Variants in EPHB1 observed in about 807,000 individuals in gnomAD.
EPHB1 encodes ephrin type-B receptor 1.
A neutral mutation model predicts 94.4 loss-of-function variants in EPHB1; 30 were observed. The observed-to-expected ratio is 0.32, with a 90% confidence interval of 0.24 to 0.43. EPHB1 has a LOEUF of 0.43. Ranked by LOEUF, EPHB1 falls within the 20% of genes least tolerant of loss-of-function variation. The probability of loss-of-function intolerance (pLI) is 1.00; values close to 1 mark genes in which losing one functional copy is unlikely to be tolerated. For missense variants in EPHB1, 1,055 were observed against 1,308.3 expected, an observed-to-expected ratio of 0.81 and a Z score of 2.99; for synonymous variants, 522 against 489.1, an observed-to-expected ratio of 1.07 and a Z score of -0.89.
intron 3 of EPHB1, among the ~76,000 whole-genome samples, chr3:135,103,190 G>A (rs1939094922): frequency 1.3e-5 from 2 of 152,162 alleles, no homozygotes; most frequent in South Asian, 2.1e-4. Context: ...TAGGAATGCT[G>A]CTTCTTATAT....
At chr3:135,211,011 C>T (rs1233733753) in intron 12 of EPHB1, among the ~76,000 whole-genome samples, 1 of 152,212 alleles carries the variant, frequency 6.6e-6, no homozygotes, top group Non-Finnish European at 1.5e-5. Context: ...TGGGCAGACA[C>T]TTAACTTTTA....
chr3:135,095,298 A>G (rs1411170323), intron 3 of EPHB1, among the ~76,000 whole-genome samples: 2 of 151,894 alleles, frequency 1.3e-5, no homozygotes, highest in Non-Finnish European at 1.5e-5. Context: ...CCTTGCACCC[A>G]ACCCCGTGCC....
chr3:135,128,495 C>T (rs972317795), intron 4 of EPHB1, among the ~76,000 whole-genome samples: 3 of 152,228 alleles, frequency 2.0e-5, no homozygotes, highest in Non-Finnish European at 1.5e-5. Flanking sequence ...GGCACAGACA[C>T]CTGGGGCCAT....
intron 1 of EPHB1, among the ~76,000 whole-genome samples, chr3:134,809,369 GA>G (rs1330108437): frequency 2.7e-5 from 1 of 37,644 alleles, no homozygotes; most frequent in Non-Finnish European, 5.7e-5. Context: ...AAAAAGAACA[GA>G]TTTTTTTTTT....
chr3:135,123,105 C>T (rs1368895293), intron 4 of EPHB1, among the ~76,000 whole-genome samples: 1 of 152,180 alleles, frequency 6.6e-6, no homozygotes, highest in African/African-American at 2.4e-5. Flanking sequence ...CATTAGGTGC[C>T]TCTACCCCAG....
At chr3:135,110,681 C>A (rs115617711) in intron 4 of EPHB1, among the ~76,000 whole-genome samples, 1 of 152,312 alleles carries the variant, frequency 6.6e-6, no homozygotes, top group Admixed American at 6.5e-5. Flanking sequence ...TGCAAACCAT[C>A]GTGGCGATGA....
intron 1 of EPHB1, among the ~76,000 whole-genome samples, chr3:134,889,275 A>G (rs1417918770): frequency 6.6e-6 from 1 of 152,110 alleles, no homozygotes; most frequent in Non-Finnish European, 1.5e-5. Context: ...ACAAACCAAG[A>G]AAGTATCTCT....
chr3:135,085,377 T>C (rs954262065), intron 3 of EPHB1, among the ~76,000 whole-genome samples: 3 of 151,930 alleles, frequency 2.0e-5, no homozygotes, highest in East Asian at 3.9e-4. Context: ...ACATCAAGAG[T>C]CATTTAGAAC....
intron 1 of EPHB1, chr3:134,823,950 A>G (rs2036427619): frequency 6.6e-6 from 1 of 152,222 alleles, no homozygotes; most frequent in African/African-American, 2.4e-5. Flanking sequence ...AAGGCCTTCC[A>G]TCAGCCCTCC....
chr3:134,928,584 G>A (rs2038842109), intron 2 of EPHB1, among the ~76,000 whole-genome samples: 1 of 152,160 alleles, frequency 6.6e-6, no homozygotes, highest in Admixed American at 6.5e-5. Context: ...AGTATGCTTG[G>A]GTGGGAAGAG....
intron 4 of EPHB1, among the ~76,000 whole-genome samples, chr3:135,124,340 C>A (rs1311311034): frequency 6.6e-6 from 1 of 151,724 alleles, no homozygotes; most frequent in African/African-American, 2.4e-5. Context: ...TCATCAGAGC[C>A]CTATGACTGC....
intron 1 of EPHB1, among the ~76,000 whole-genome samples, chr3:134,870,558 C>T (rs767152138): frequency 6.6e-6 from 1 of 152,216 alleles, no homozygotes; most frequent in Non-Finnish European, 1.5e-5. Context: ...AATTCTGAAT[C>T]GTGCTGGACC....
chr3:135,131,543 CAGTT>C (rs1250748558), intron 4 of EPHB1, among the ~76,000 whole-genome samples: 1 of 152,126 alleles, frequency 6.6e-6, no homozygotes, highest in African/African-American at 2.4e-5. Context: ...TCATTTTTAT[CAGTT>C]AGACACTGAG....
intron 5 of EPHB1, among the ~76,000 whole-genome samples, chr3:135,140,586 G>A (rs1230954737): frequency 6.6e-6 from 1 of 152,186 alleles, no homozygotes; most frequent in Non-Finnish European, 1.5e-5. Flanking sequence ...AGCTGTGATT[G>A]CAGTTACCCC....
intron 4 of EPHB1, 145 bp from the exon 5 acceptor site, chr3:135,132,569 A>G: frequency 1.5e-6 from 1 of 664,332 alleles, no homozygotes; most frequent in Non-Finnish European, 2.5e-6. Flanking sequence ...TTTAAAATGA[A>G]TTGAAGCATA....
At chr3:135,053,284 C>T (rs1254122781) in intron 3 of EPHB1, among the ~76,000 whole-genome samples, 2 of 151,580 alleles carry the variant, frequency 1.3e-5, no homozygotes, top group African/African-American at 2.4e-5. Flanking sequence ...ATGCATCTAA[C>T]AAAATATCAT....
intron 1 of EPHB1, among the ~76,000 whole-genome samples, chr3:134,919,940 C>T (rs1170883622): frequency 6.6e-6 from 1 of 152,012 alleles, no homozygotes; most frequent in African/African-American, 2.4e-5. Flanking sequence ...TTTCAACAGC[C>T]AGGGGCTGGG....
intron 2 of EPHB1, among the ~76,000 whole-genome samples, chr3:134,936,285 G>A (rs1387959180): frequency 1.3e-5 from 2 of 152,272 alleles, no homozygotes; most frequent in Middle Eastern, 3.4e-3. Flanking sequence ...GGTAGAGGAG[G>A]TGGTTTGGGG....
Position 135,117,815 on chromosome 3 carries a change from T to G in EPHB1, c.961+11212T>G, listed in dbSNP as rs1939774944. 3.3e-5 allele frequency among the ~76,000 whole-genome samples: 5 copies of G among 152,346 alleles called. No individual in the cohort carries two copies. In the South Asian group the frequency reaches 1.0e-3, roughly 32 times the overall value. On this transcript the variant is annotated intron_variant, in intron 4 of 15. Transcript: ENST00000398015. ...ACCTCAGAGGTTTGCCTTTCCAGGCTTACCTTGGAAATGGCAATGAAGGGT... is the reference window on the plus strand; with the variant it reads ...ACCTCAGAGGTTTGCCTTTCCAGGCGTACCTTGGAAATGGCAATGAAGGGT...
Sources: allele counts gnomAD v4.1 joint callset (sites outside exome capture counted in the v4.1 genomes callset), GRCh38; gene constraint gnomAD v4.1.1; transcripts MANE v1.5; gene names NCBI Gene and HGNC (gene_info 2026-07-23, HGNC 2026-07-21).